MAST4: variants seen among roughly 807,000 people sequenced by gnomAD.
MAST4 encodes the protein microtubule associated serine/threonine kinase family member 4.
In MAST4, 89 loss-of-function variants were observed where a neutral mutation model predicts 162.7. The observed-to-expected ratio is 0.55, with a 90% CI of 0.46 to 0.65. The LOEUF is 0.65. MAST4 is among the 30% of genes least tolerant of loss of function. The pLI is 0.00. For missense variants in MAST4, 3,153 were observed against 3,374.0 expected (o/e 0.93, Z 1.62); for synonymous variants, 1,479 against 1,361.1 (o/e 1.09, Z -1.91).
chr5:66,642,183 T>C (rs888048495), intron 1 of MAST4, among the ~76,000 whole-genome samples: 1 of 152,222 alleles, frequency 6.6e-6, no homozygotes, highest in Non-Finnish European at 1.5e-5. Context: ...TTCAAGTCTC[T>C]AGATCTAACT....
chr5:67,165,156 T>G lies in MAST4; in HGVS notation c.5977T>G (p.Cys1993Gly). The G allele has an allele frequency of 6.3e-7, 1 of 1,598,160 alleles. No individual in the cohort carries two copies. The highest frequency in any genetic ancestry group is 8.5e-7 in the Non-Finnish European group (1 of 1,172,218). The change falls in exon 29 of 29, where the codon TGC becomes GGC. Residue 1993 changes from cysteine to glycine, a missense_variant. By Grantham distance (159) the Cys-to-Gly change is radical (BLOSUM62 -3). This residue lies in a region of MAST4 where 1,644 missense variants were observed against 1,495.0 expected (regional missense o/e 1.10). Transcript: ENST00000403625. The stretch of plus-strand genomic sequence containing the variant: ...GCGCTCTGCTGCGAGGGCTGACACA[T>G]GCAGAGAGCCCTCCATGGAACTGTG... ...SERSAARADT[C>G]REPSMELCFP...
At chr5:66,915,143 G>A (rs1764024409) in intron 4 of MAST4, among the ~76,000 whole-genome samples, 1 of 151,882 alleles carries the variant, frequency 6.6e-6, no homozygotes, top group African/African-American at 2.4e-5. Context: ...GCACACACTT[G>A]TAATCCCAGC....
At chr5:66,705,965 T>C (rs1750100199) in intron 1 of MAST4, among the ~76,000 whole-genome samples, 1 of 152,132 alleles carries the variant, frequency 6.6e-6, no homozygotes, top group African/African-American at 2.4e-5. Context: ...GAAGTAACTT[T>C]CCCATGGTTA....
chr5:66,632,397 G>C (rs1401005037), intron 1 of MAST4, among the ~76,000 whole-genome samples: 1 of 152,128 alleles, frequency 6.6e-6, no homozygotes. Flanking sequence ...CTTTGGAGAA[G>C]TTATTAATAG....
chr5:66,667,886 T>C (rs149971922), intron 1 of MAST4, among the ~76,000 whole-genome samples: 11 of 152,218 alleles, frequency 7.2e-5, no homozygotes, highest in African/African-American at 2.7e-4. Context: ...ATTAAAAATA[T>C]TAAGGGCCAG....
intron 3 of MAST4, among the ~76,000 whole-genome samples, chr5:66,801,836 A>G (rs1755937887): frequency 6.6e-6 from 1 of 152,236 alleles, no homozygotes; most frequent in Admixed American, 6.5e-5. Context: ...GTATTCAAAC[A>G]TCATACCATC....
At chr5:66,647,225 A>G (rs989657521) in intron 1 of MAST4, among the ~76,000 whole-genome samples, 17 of 152,292 alleles carry the variant, frequency 1.1e-4, no homozygotes, top group African/African-American at 3.4e-4. Context: ...TGATTGGGAC[A>G]TTATTTAAAT....
chr5:66,824,449 G>A (rs1757145041), intron 3 of MAST4, among the ~76,000 whole-genome samples: 1 of 152,220 alleles, frequency 6.6e-6, no homozygotes, highest in Non-Finnish European at 1.5e-5. Flanking sequence ...CTTTTGGATA[G>A]GCAGTTCAGC....
intron 3 of MAST4, among the ~76,000 whole-genome samples, chr5:66,868,312 G>A (rs30759): frequency 0.85 from 128,279 of 151,742 alleles, 54,859 homozygotes; most frequent in Non-Finnish European, 0.92. Context: ...TTCAGCTTCT[G>A]AGGAATTAAA....
At chr5:67,081,085 T>TATATAATATATAATTGTATATATTATATA (rs1762596996) in intron 5 of MAST4, among the ~76,000 whole-genome samples, 1 of 63,222 alleles carries the variant, frequency 1.6e-5, no homozygotes, top group African/African-American at 1.6e-4. Flanking sequence ...TTGTATATAT[T>TATATAATATATAATTGTATATATTATATA]ATATAATATA....
At position 67,164,371 on chromosome 5, in the gene MAST4, A is replaced by T; in HGVS notation, c.5192A>T (p.Glu1731Val). ...GTCCGACCCACGGGTGGGCAGCAGG[A>T]GCCCCCGCCGGCTTCTGAGAGCCGA... ...NPVRPTGGQQ[E>V]PPPASESRAF... is the part of the protein sequence containing the mutation. Residue 1731 changes from glutamate to valine, a missense_variant, in exon 29 of 29, where the codon GAG becomes GTG. Transcript: ENST00000403625. This position sits in a 1 kb window ranked among gnomAD's most constrained non-coding sequence, Gnocchi z 5.3. 6.2e-7 allele frequency: 1 copy of T among 1,613,956 alleles called. No individual in the cohort carries two copies.
intron 2 of MAST4, among the ~76,000 whole-genome samples, chr5:66,770,454 GGTCT>G (rs1390974382): frequency 4.6e-5 from 7 of 152,270 alleles, no homozygotes; most frequent in Non-Finnish European, 7.4e-5. Flanking sequence ...CCATGCAGGT[GGTCT>G]ACCGATGAGT....
At chr5:66,846,805 A>C (rs976696936) in intron 3 of MAST4, among the ~76,000 whole-genome samples, 1 of 152,208 alleles carries the variant, frequency 6.6e-6, no homozygotes, top group Admixed American at 6.5e-5. Flanking sequence ...AAGACATCTA[A>C]GGGGCTCATG....
At chr5:66,714,399 A>G (rs898141915) in intron 1 of MAST4, among the ~76,000 whole-genome samples, 7 of 152,204 alleles carry the variant, frequency 4.6e-5, no homozygotes, top group African/African-American at 1.4e-4. Context: ...AGGCTCTCTG[A>G]CTTTAAAAAT....
rs1261401828 is a variant in MAST4 at position 67,134,699 on chromosome 5, T to A, written c.2392+11T>A. On this transcript the variant is annotated intron_variant, in intron 18 of 28. Coordinates refer to ENST00000403625, the MANE Select transcript of MAST4 (RefSeq NM_001164664.2). Reference sequence around the variant, plus strand: ...GACAAGTCATCAGTGGTAAATATCATCAGGAGTTATCTTTAGGTCACTGTT... The same window carrying A: ...GACAAGTCATCAGTGGTAAATATCAACAGGAGTTATCTTTAGGTCACTGTT... 6.2e-7 allele frequency: 1 copy of A among 1,604,078 alleles called. No homozygotes were observed. Among genetic ancestry groups the A allele is most frequent in the East Asian group, 2.2e-5 (1 of 44,728 alleles).
intron 1 of MAST4, among the ~76,000 whole-genome samples, chr5:66,717,911 G>A (rs140897590): frequency 6.6e-6 from 1 of 152,188 alleles, no homozygotes; most frequent in Non-Finnish European, 1.5e-5. Context: ...GAAGGAAGGA[G>A]GCCGTGGGAC....
In MAST4 at chr5:67,041,148, A is replaced by G. The variant is rs1756690500; in HGVS notation, c.675-13256A>G. Among the ~76,000 whole-genome samples the G allele has an allele frequency of 2.6e-5, 4 of 152,200 alleles. No individual in the cohort carries two copies. The South Asian group carries it at 8.3e-4, about 32-fold the overall frequency. On this transcript the variant is annotated intron_variant, in intron 4 of 28. Transcript: ENST00000403625. ...GGTTGTCTGGGGACCATGGTAGCAGAGCAAGATTGGGCTGATGTGCACGGT... is the reference window on the plus strand; with the variant it reads ...GGTTGTCTGGGGACCATGGTAGCAGGGCAAGATTGGGCTGATGTGCACGGT...
chr5:66,989,047 G>A (rs1554077560), intron 4 of MAST4, among the ~76,000 whole-genome samples: 3 of 152,162 alleles, frequency 2.0e-5, no homozygotes, highest in Non-Finnish European at 4.4e-5. Flanking sequence ...ATTCCCCAGT[G>A]TGTGTGAGGA....
At position 67,166,975 on chromosome 5, in the gene MAST4, A is replaced by T; in HGVS notation, c.7796A>T (p.Asn2599Ile). 6.2e-7 allele frequency: 1 copy of T among 1,612,636 alleles called. No homozygotes were observed. The highest frequency in any genetic ancestry group is 1.1e-5 in the South Asian group (1 of 90,932). ...ACTGACCGCCCCATCTCTCTTTCTA[A>T]TGAGAAGGACTTTGTGGTACGGCAG... Reference protein sequence around the residue: ...PNTDRPISLSNEKDFVVRQRR... With the variant: ...PNTDRPISLSIEKDFVVRQRR... The change falls in exon 29 of 29, where the codon AAT becomes ATT. Residue 2599 changes from asparagine (N) to isoleucine (I), a missense_variant. Around this residue, in one of 7 missense-constraint regions of MAST4, gnomAD observed 1,644 missense variants for 1,495.0 expected, o/e 1.10. Coordinates refer to ENST00000403625, the MANE Select transcript of MAST4 (RefSeq NM_001164664.2).
Sources: allele counts gnomAD v4.1 joint callset (sites outside exome capture counted in the v4.1 genomes callset), GRCh38; gene constraint gnomAD v4.1.1; regional missense constraint gnomAD v4.1.1; non-coding constraint Gnocchi (gnomAD v3.1); transcripts MANE v1.5; gene names NCBI Gene and HGNC (gene_info 2026-07-23, HGNC 2026-07-21).